TBPL1: variants seen among roughly 807,000 people sequenced by gnomAD.
TBPL1 encodes TATA-box binding protein like 1.
TBPL1 carries 4 observed loss-of-function variants against 22.1 expected under a neutral mutation model. The ratio of observed to expected loss-of-function variants is 0.18; its 90% CI spans 0.09 to 0.41. TBPL1 has a LOEUF of 0.41. Among genes scored for constraint, TBPL1 ranks in the 10% least tolerant of loss-of-function variants. The pLI, the probability that TBPL1 is intolerant of heterozygous loss-of-function variation, is 1.00. For synonymous variants in TBPL1, 64 were observed against 71.0 expected (o/e 0.90, Z 0.50); for missense variants, 115 against 222.3 (o/e 0.52, Z 3.07).
At chr6:133,977,722 A>G (rs867102867) in intron 1 of TBPL1, among the ~76,000 whole-genome samples, 3 of 152,352 alleles carry the variant, frequency 2.0e-5, no homozygotes, top group African/African-American at 7.2e-5. Flanking sequence ...TTTCTCTCAT[A>G]CTCATGAGGT....
intron 1 of TBPL1, among the ~76,000 whole-genome samples, chr6:133,962,257 C>T (rs1282133265): frequency 1.3e-5 from 2 of 152,246 alleles, no homozygotes; most frequent in East Asian, 1.9e-4. Flanking sequence ...AGAGATGCTT[C>T]TTCAGATAGG....
At chr6:133,975,930 G>A (rs1776305259) in intron 1 of TBPL1, among the ~76,000 whole-genome samples, 1 of 152,108 alleles carries the variant, frequency 6.6e-6, no homozygotes, top group South Asian at 2.1e-4. Flanking sequence ...ATATATGGTA[G>A]TGCCATGATT....
intron 1 of TBPL1, among the ~76,000 whole-genome samples, chr6:133,969,567 C>T (rs571061958): frequency 4.6e-5 from 7 of 152,182 alleles, no homozygotes; most frequent in East Asian, 3.9e-4. Context: ...AAATGTTTTA[C>T]GGGTGGTAAA....
chr6:133,955,618 T>C (rs1418804212), intron 1 of TBPL1, among the ~76,000 whole-genome samples: 1 of 152,176 alleles, frequency 6.6e-6, no homozygotes, highest in Non-Finnish European at 1.5e-5. Flanking sequence ...CTGCTGAAAC[T>C]CAAGAGCTTC....
At chr6:133,977,994 C>T (rs1776343591) in intron 1 of TBPL1, among the ~76,000 whole-genome samples, 1 of 152,168 alleles carries the variant, frequency 6.6e-6, no homozygotes, top group African/African-American at 2.4e-5. Context: ...TCTCATTGAC[C>T]AGAACATATT....
chr6:133,978,692 A>T (rs770379305), intron 1 of TBPL1, among the ~76,000 whole-genome samples: 83 of 152,200 alleles, frequency 5.5e-4, no homozygotes, highest in Admixed American at 1.1e-3. Flanking sequence ...CAATTGATAC[A>T]CAGAATTGAA....
At chr6:133,956,029 T>TA (rs1002438562) in intron 1 of TBPL1, among the ~76,000 whole-genome samples, 75 of 152,298 alleles carry the variant, frequency 4.9e-4, no homozygotes, top group African/African-American at 1.8e-3. Flanking sequence ...GCACATTATT[T>TA]AAAAAAATCA....
intron 1 of TBPL1, among the ~76,000 whole-genome samples, chr6:133,956,773 T>C (rs559734916): frequency 1.3e-5 from 2 of 152,224 alleles, no homozygotes; most frequent in Non-Finnish European, 2.9e-5. Context: ...TTCTCAAGCA[T>C]GATTACAGCT....
At chr6:133,978,847 CTTA>C (rs1374510039) in intron 1 of TBPL1, among the ~76,000 whole-genome samples, 4 of 152,068 alleles carry the variant, frequency 2.6e-5, no homozygotes, top group African/African-American at 9.7e-5. Flanking sequence ...AATTTGAATC[CTTA>C]TTATAAAGAA....
intron 1 of TBPL1, among the ~76,000 whole-genome samples, chr6:133,967,523 A>G (rs2300197): frequency 0.41 from 63,034 of 152,032 alleles, 14,982 homozygotes; most frequent in Non-Finnish European, 0.57. Flanking sequence ...TCACGTGAAC[A>G]TCATAGAGTA....
intron 1 of TBPL1, among the ~76,000 whole-genome samples, chr6:133,977,961 A>G (rs1582579559): frequency 6.6e-6 from 1 of 152,228 alleles, no homozygotes; most frequent in South Asian, 2.1e-4. Flanking sequence ...TTCCCAGAGG[A>G]TACATAACCA....
chr6:133,984,826 G>A lies in TBPL1; in HGVS notation c.481+155G>A, dbSNP rs144088409. The stretch of plus-strand genomic sequence containing the variant: ...TGACTTTTAACACTAGATGCATTTT[G>A]CCTACTTTTGTACTATTTATAAATG... On this transcript the variant is annotated intron_variant, in intron 6 of 6. Transcript: ENST00000237264. 6.7e-3 allele frequency: 4,121 copies of A among 611,016 alleles called. 131 individuals carry two copies. The Admixed American group carries it at 0.072, about 11-fold the overall frequency. The allele number at this position is 611,016 out of a possible 1,614,324, so 37.8% of individuals were successfully genotyped here. A position where few individuals can be genotyped will look rare whatever the true frequency, so the allele number is the denominator to read the frequency against.
intron 1 of TBPL1, among the ~76,000 whole-genome samples, chr6:133,965,736 C>T (rs1341936995): frequency 6.6e-6 from 1 of 151,836 alleles, no homozygotes; most frequent in Non-Finnish European, 1.5e-5. Flanking sequence ...ATATGATTTG[C>T]TTTTGTGTTC....
At chr6:133,967,320 A>G (rs1019985751) in intron 1 of TBPL1, among the ~76,000 whole-genome samples, 2 of 152,250 alleles carry the variant, frequency 1.3e-5, no homozygotes, top group African/African-American at 4.8e-5. Context: ...CATTTTCAGC[A>G]GAATGAATTA....
chr6:133,956,561 GCCAT>G (rs1042990669), intron 1 of TBPL1, among the ~76,000 whole-genome samples: 28 of 147,644 alleles, frequency 1.9e-4, no homozygotes, highest in African/African-American at 7.1e-4. Flanking sequence ...AGTATGAGTA[GCCAT>G]CATCATATTG....
intron 4 of TBPL1, among the ~76,000 whole-genome samples, chr6:133,983,786 A>G (rs1776458142): frequency 6.6e-6 from 1 of 152,088 alleles, no homozygotes; most frequent in African/African-American, 2.4e-5. Flanking sequence ...TAATGTTAAC[A>G]GCATTATTTT....
At chr6:133,984,939 C>A (rs913927533) in intron 6 of TBPL1, among the ~76,000 whole-genome samples, 4 of 151,838 alleles carry the variant, frequency 2.6e-5, no homozygotes, top group African/African-American at 9.7e-5. Flanking sequence ...GTATGTAGAT[C>A]ATTCGTTCTT....
At chr6:133,974,708 C>T (rs1776283448) in intron 1 of TBPL1, among the ~76,000 whole-genome samples, 1 of 152,194 alleles carries the variant, frequency 6.6e-6, no homozygotes, top group African/African-American at 2.4e-5. Flanking sequence ...TACACACAGC[C>T]AGAGTATCTC....
At chr6:133,960,174 A>G (rs1245913613) in intron 1 of TBPL1, among the ~76,000 whole-genome samples, 1 of 152,188 alleles carries the variant, frequency 6.6e-6, no homozygotes, top group Admixed American at 6.5e-5. Flanking sequence ...TGCTCGTTAC[A>G]GATTAGGGTG....
Sources: gnomAD v4.1 joint callset for allele counts (sites outside exome capture counted in the v4.1 genomes callset) on GRCh38, gnomAD v4.1.1 for gene constraint, MANE v1.5 for transcripts, NCBI Gene and HGNC (gene_info 2026-07-23, HGNC 2026-07-21) for gene names.